The following FRMD5 variants were observed in gnomAD, a reference collection of about 807,000 sequenced individuals.
FRMD5 encodes FERM domain-containing protein 5.
Under a neutral mutation model 69.0 loss-of-function variants are expected in FRMD5, and 20 were observed. The observed-to-expected ratio is 0.29, with a 90% CI of 0.20 to 0.42. FRMD5 has a LOEUF of 0.42. FRMD5 is among the 10% of genes least tolerant of loss of function. FRMD5 has a pLI of 1.00. For missense variants in FRMD5, 595 were observed against 708.6 expected (o/e 0.84, Z 1.82); for synonymous variants, 271 against 260.1 (o/e 1.04, Z -0.40).
At chr15:44,157,980 G>A (rs1432811164) in intron 1 of FRMD5, among the ~76,000 whole-genome samples, 1 of 152,156 alleles carries the variant, frequency 6.6e-6, no homozygotes, top group Non-Finnish European at 1.5e-5. Context: ...TGTTTGTTCA[G>A]TGTAAATGGA....
At chr15:43,911,959 T>C (rs1048674835) in intron 4 of FRMD5, among the ~76,000 whole-genome samples, 2 of 151,990 alleles carry the variant, frequency 1.3e-5, no homozygotes, top group African/African-American at 2.4e-5. Flanking sequence ...CAAACAGAAA[T>C]GAGGGAGCAA....
At chr15:43,983,307 T>G (rs2140629311) in intron 1 of FRMD5, among the ~76,000 whole-genome samples, 1 of 152,308 alleles carries the variant, frequency 6.6e-6, no homozygotes, top group African/African-American at 2.4e-5. Context: ...ATAAGCAAAC[T>G]AGGTGCTTTA....
chr15:43,972,566 G>A (rs1460861053), intron 1 of FRMD5, among the ~76,000 whole-genome samples: 1 of 152,128 alleles, frequency 6.6e-6, no homozygotes, highest in Admixed American at 6.5e-5. Flanking sequence ...GGTAACCAAT[G>A]CCAGGATACA....
chr15:43,920,411 A>G (rs1272570453), intron 2 of FRMD5, among the ~76,000 whole-genome samples: 1 of 152,194 alleles, frequency 6.6e-6, no homozygotes, highest in East Asian at 1.9e-4. Flanking sequence ...GTGATGTTTT[A>G]AAATCTAAAT....
chr15:44,142,540 G>A (rs956457706), intron 1 of FRMD5, among the ~76,000 whole-genome samples: 1 of 152,128 alleles, frequency 6.6e-6, no homozygotes, highest in African/African-American at 2.4e-5. Flanking sequence ...AATTATTATA[G>A]TCTCTATGGG....
rs187294705 is a variant in FRMD5, at chr15:44,144,148, A to G, written c.102+50805T>C. 3.3e-3 allele frequency among the ~76,000 whole-genome samples: 498 copies of G among 152,282 alleles called. 2 individuals are homozygous for G. Among genetic ancestry groups the G allele is most frequent in the Middle Eastern group, 0.014 (4 of 294 alleles). On this transcript the variant is annotated intron_variant, in intron 1 of 13. Transcript: ENST00000417257. ...CATCTGCCAGTGTTCGTCATACTTCATTATAGGATTTCCTTCTCGTCTTCT... is the reference window on the plus strand; with the variant it reads ...CATCTGCCAGTGTTCGTCATACTTCGTTATAGGATTTCCTTCTCGTCTTCT...
At chr15:43,923,821 G>A (rs2089537915) in intron 2 of FRMD5, among the ~76,000 whole-genome samples, 1 of 152,200 alleles carries the variant, frequency 6.6e-6, no homozygotes, top group African/African-American at 2.4e-5. Flanking sequence ...GATTGGGTTG[G>A]TATGGCACCT....
chr15:43,978,762 G>A (rs1168116489), intron 1 of FRMD5, among the ~76,000 whole-genome samples: 1 of 152,036 alleles, frequency 6.6e-6, no homozygotes, highest in Non-Finnish European at 1.5e-5. Context: ...ATTTTGGCCA[G>A]GCTGGTCTCG....
At chr15:44,191,581 A>G (rs1268013923) in intron 1 of FRMD5, among the ~76,000 whole-genome samples, 1 of 151,696 alleles carries the variant, frequency 6.6e-6, no homozygotes, top group Non-Finnish European at 1.5e-5. Flanking sequence ...GCGAGACTCC[A>G]CCTCAAAAAT....
chr15:44,041,833 G>A (rs189309096), intron 1 of FRMD5, among the ~76,000 whole-genome samples: 4 of 152,146 alleles, frequency 2.6e-5, no homozygotes, highest in Non-Finnish European at 5.9e-5. Flanking sequence ...AAGCAGGAAA[G>A]ATCTAAAATC....
At chr15:43,924,423 G>A (rs1319541744) in intron 1 of FRMD5, 114 bp from the exon 2 acceptor site, 1 of 706,302 alleles carries the variant, frequency 1.4e-6, no homozygotes, top group African/African-American at 1.8e-5. Context: ...TATGAAAGGG[G>A]TGAATGTCCA....
chr15:43,951,680 C>T (rs2090031536), intron 1 of FRMD5, among the ~76,000 whole-genome samples: 1 of 152,100 alleles, frequency 6.6e-6, no homozygotes, highest in Non-Finnish European at 1.5e-5. Context: ...ATGTTATTGT[C>T]CTTTAATGCT....
intron 1 of FRMD5, among the ~76,000 whole-genome samples, chr15:44,074,194 G>A (rs943068262): frequency 3.3e-5 from 5 of 152,096 alleles, no homozygotes; most frequent in South Asian, 4.1e-4. Context: ...TTTAGTCTGC[G>A]TGTTCAGAAT....
chr15:44,124,991 C>A (rs548043301), intron 1 of FRMD5, among the ~76,000 whole-genome samples: 2 of 152,166 alleles, frequency 1.3e-5, no homozygotes, highest in East Asian at 1.9e-4. Context: ...CAAATAAGAA[C>A]AATTAATTTG....
At chr15:44,045,368 CT>C in intron 1 of FRMD5, among the ~76,000 whole-genome samples, 1 of 152,258 alleles carries the variant, frequency 6.6e-6, no homozygotes, top group South Asian at 2.1e-4. Flanking sequence ...TATGCTGTCT[CT>C]TTTCTAACGA....
At chr15:44,039,830 C>T (rs528281812) in intron 1 of FRMD5, among the ~76,000 whole-genome samples, 2 of 152,100 alleles carry the variant, frequency 1.3e-5, no homozygotes, top group Admixed American at 1.3e-4. Flanking sequence ...ATGAGTTTGA[C>T]GAACTGACAG....
Position 43,892,024 on chromosome 15 carries a change from A to T in FRMD5, c.685T>A (p.Phe229Ile). Reference protein sequence around the residue: ...AAFLAFTPFGFVVLQGNKRVH... With the variant: ...AAFLAFTPFGIVVLQGNKRVH... ...CTCTTGTTTCCTTGAAGAACAACAA[A>T]CCCAAAAGGAGTGAAGGCCAGAAAT... is the stretch of plus-strand genomic sequence containing the variant. The change falls in exon 8 of 14, where the codon TTT becomes ATT. Residue 229 changes from phenylalanine to isoleucine, a missense_variant. This residue lies in a region of FRMD5 where 176 missense variants were observed against 266.3 expected (regional missense o/e 0.66). Transcript: ENST00000417257. 1 of 1,614,158 alleles carries T rather than the reference A, an allele frequency of 6.2e-7. No individual in the cohort carries two copies. The highest frequency in any genetic ancestry group is 8.5e-7 in the Non-Finnish European group (1 of 1,180,008).
chr15:43,881,447 A>G (rs1339693602), intron 13 of FRMD5, among the ~76,000 whole-genome samples: 2 of 152,358 alleles, frequency 1.3e-5, no homozygotes, highest in African/African-American at 2.4e-5. Flanking sequence ...TCATATATCC[A>G]TAATTCCATT....
intron 7 of FRMD5, among the ~76,000 whole-genome samples, chr15:43,901,299 A>T (rs1429414512): frequency 6.6e-6 from 1 of 152,220 alleles, no homozygotes; most frequent in Non-Finnish European, 1.5e-5. Context: ...CCAGTCTGTG[A>T]TACTTGTTAC....
Sources: allele counts gnomAD v4.1 joint callset (sites outside exome capture counted in the v4.1 genomes callset), GRCh38; gene constraint gnomAD v4.1.1; regional missense constraint gnomAD v4.1.1; transcripts MANE v1.5; gene names NCBI Gene and HGNC (gene_info 2026-07-23, HGNC 2026-07-21).